Variants in MAMDC2 observed in about 807,000 individuals in gnomAD.
MAMDC2 encodes the protein MAM domain containing 2, also known as MAM domain-containing protein 2.
In MAMDC2, 57 loss-of-function variants were observed where a neutral mutation model predicts 89.8. The observed-to-expected ratio is 0.63, with a 90% confidence interval of 0.51 to 0.79. MAMDC2 has a LOEUF of 0.79. Among genes scored for constraint, MAMDC2 ranks in the 30% least tolerant of loss-of-function variants. The probability of loss-of-function intolerance (pLI) is 0.00; values close to 1 mark genes in which losing one functional copy is unlikely to be tolerated. For missense variants in MAMDC2, 800 were observed against 820.6 expected (o/e 0.97, Z 0.31); for synonymous variants, 313 against 293.4 (o/e 1.07, Z -0.68).
chr9:70,126,100 C>A, intron 5 of MAMDC2, 59 bp from the exon 6 acceptor site: 15 of 1,506,872 alleles, frequency 1.0e-5, no homozygotes, highest in Non-Finnish European at 1.4e-5. Flanking sequence ...TTCGCCTGAA[C>A]CTCTTCCCCT....
intron 11 of MAMDC2, among the ~76,000 whole-genome samples, chr9:70,203,061 A>G (rs1234938303): frequency 6.6e-6 from 1 of 152,090 alleles, no homozygotes; most frequent in African/African-American, 2.4e-5. Context: ...TTATATTTAA[A>G]GTTAATATTG....
intron 2 of MAMDC2, among the ~76,000 whole-genome samples, chr9:70,085,096 A>G (rs1253506101): frequency 6.6e-6 from 1 of 152,100 alleles, no homozygotes; most frequent in African/African-American, 2.4e-5. Context: ...TTAAAGCTGC[A>G]CTACAGGGCC....
At chr9:70,185,514 A>G (rs907653416) in intron 11 of MAMDC2, among the ~76,000 whole-genome samples, 1 of 152,144 alleles carries the variant, frequency 6.6e-6, no homozygotes, top group Non-Finnish European at 1.5e-5. Context: ...CCCTTCCCCC[A>G]GGGGCTCTGT....
At chr9:70,129,207 G>A (rs1003703537) in intron 6 of MAMDC2, among the ~76,000 whole-genome samples, 7 of 152,128 alleles carry the variant, frequency 4.6e-5, no homozygotes, top group Non-Finnish European at 1.0e-4. Flanking sequence ...AATTATGGGG[G>A]CAGTTCTTTC....
intron 2 of MAMDC2, among the ~76,000 whole-genome samples, chr9:70,060,144 T>C (rs1827114300): frequency 6.6e-6 from 1 of 152,232 alleles, no homozygotes; most frequent in African/African-American, 2.4e-5. Flanking sequence ...CCTGCTGAAC[T>C]CTAAGCTTTG....
At chr9:70,198,004 GAGAGA>G (rs1253070386) in intron 11 of MAMDC2, among the ~76,000 whole-genome samples, 1 of 152,008 alleles carries the variant, frequency 6.6e-6, no homozygotes, top group Non-Finnish European at 1.5e-5. Flanking sequence ...TATTTGGAGA[GAGAGA>G]AAAGACCACA....
chr9:70,044,770 G>T (rs922859256), intron 2 of MAMDC2, 73 bp downstream of exon 2: 2 of 1,065,894 alleles, frequency 1.9e-6, no homozygotes, highest in African/African-American at 3.1e-5. Context: ...TTCCCACATG[G>T]GTAATGTTAT....
At chr9:70,171,380 G>A (rs562778089) in intron 11 of MAMDC2, among the ~76,000 whole-genome samples, 288 of 152,044 alleles carry the variant, frequency 1.9e-3, no homozygotes, top group Non-Finnish European at 3.1e-3. Context: ...TGCACCTGTG[G>A]TCACAGCTAC....
intron 2 of MAMDC2, among the ~76,000 whole-genome samples, chr9:70,055,150 TATAGAA>T (rs1827000342): frequency 2.0e-5 from 3 of 152,324 alleles, no homozygotes; most frequent in South Asian, 4.2e-4. Flanking sequence ...CTATTTCTGT[TATAGAA>T]GTAGTTCCGA....
intron 11 of MAMDC2, among the ~76,000 whole-genome samples, chr9:70,214,894 G>T (rs1333898956): frequency 6.6e-6 from 1 of 152,220 alleles, no homozygotes; most frequent in Non-Finnish European, 1.5e-5. Flanking sequence ...CTGTCAGGAA[G>T]TTGAGTTTTG....
intron 11 of MAMDC2, among the ~76,000 whole-genome samples, chr9:70,198,373 T>C (rs1486624355): frequency 6.6e-6 from 1 of 151,994 alleles, no homozygotes; most frequent in African/African-American, 2.4e-5. Flanking sequence ...GTTCCCAAGG[T>C]GGTACTGGCC....
chr9:70,066,910 A>G (rs1346122272), intron 2 of MAMDC2, among the ~76,000 whole-genome samples: 3 of 152,240 alleles, frequency 2.0e-5, no homozygotes, highest in Non-Finnish European at 4.4e-5. Flanking sequence ...AATTAAGTTC[A>G]TCAATATCTG....
intron 11 of MAMDC2, among the ~76,000 whole-genome samples, chr9:70,209,765 G>T (rs926185163): frequency 6.6e-6 from 1 of 151,994 alleles, no homozygotes; most frequent in African/African-American, 2.4e-5. Flanking sequence ...TTCTCTTGTG[G>T]GCATTTAGTG....
intron 12 of MAMDC2, among the ~76,000 whole-genome samples, chr9:70,219,544 G>A (rs899687053): frequency 6.6e-6 from 1 of 152,132 alleles, no homozygotes; most frequent in Non-Finnish European, 1.5e-5. Flanking sequence ...ACCAACCTAT[G>A]ACCAAAAATA....
chr9:70,048,153 G>A (rs1021826486), intron 2 of MAMDC2, among the ~76,000 whole-genome samples: 2 of 152,096 alleles, frequency 1.3e-5, no homozygotes, highest in African/African-American at 4.8e-5. Flanking sequence ...TATTCTTTTT[G>A]TAGAATATTT....
chr9:70,048,411 G>A (rs936189962), intron 2 of MAMDC2, among the ~76,000 whole-genome samples: 4 of 152,038 alleles, frequency 2.6e-5, no homozygotes, highest in Non-Finnish European at 4.4e-5. Context: ...AGTAACTGGG[G>A]CATGCACCTG....
chr9:70,186,624 A>G (rs988067520), intron 11 of MAMDC2, among the ~76,000 whole-genome samples: 1 of 152,130 alleles, frequency 6.6e-6, no homozygotes, highest in Admixed American at 6.6e-5. Context: ...GCATTTTAGT[A>G]TGATATGTAT....
chr9:70,199,257 G>A (rs1306612878), intron 11 of MAMDC2, among the ~76,000 whole-genome samples: 4 of 105,812 alleles, frequency 3.8e-5, no homozygotes, highest in African/African-American at 1.4e-4. Context: ...GTGTCCATGT[G>A]ATCTCATTGT....
intron 11 of MAMDC2, among the ~76,000 whole-genome samples, chr9:70,201,854 G>C (rs2033106151): frequency 1.4e-5 from 2 of 139,870 alleles, no homozygotes; most frequent in African/African-American, 2.8e-5. Flanking sequence ...GGTGTTTGTA[G>C]TATTCTCTGA....
Sources: allele counts gnomAD v4.1 joint callset (sites outside exome capture counted in the v4.1 genomes callset), GRCh38; gene constraint gnomAD v4.1.1; transcripts MANE v1.5; gene names NCBI Gene and HGNC (gene_info 2026-07-23, HGNC 2026-07-21).